EGFR: variants seen among roughly 807,000 people sequenced by gnomAD.
The protein encoded by EGFR is epidermal growth factor receptor.
A neutral mutation model predicts 143.0 loss-of-function variants in EGFR; 58 were observed. That is an observed-to-expected ratio of 0.41 (90% CI 0.33 to 0.50). EGFR has a LOEUF of 0.50. Ranked by LOEUF, EGFR falls within the 20% of genes least tolerant of loss-of-function variation. The pLI, the probability that EGFR is intolerant of heterozygous loss-of-function variation, is 0.39. For synonymous variants in EGFR, 613 were observed against 594.4 expected, an observed-to-expected ratio of 1.03 and a Z score of -0.45; for missense variants, 1,307 against 1,579.0, an observed-to-expected ratio of 0.83 and a Z score of 2.92.
chr7:55,079,303 A>G (rs2128888957), intron 1 of EGFR, among the ~76,000 whole-genome samples: 1 of 152,278 alleles, frequency 6.6e-6, no homozygotes, highest in East Asian at 1.9e-4. Flanking sequence ...GCACACTCAG[A>G]GTAGGTGGCC....
At position 55,211,597 on chromosome 7, in the gene EGFR, T is replaced by TATAATA. The variant is rs3065295; in HGVS notation, c.*5989_*5994dup. On this transcript the variant is annotated 3_prime_UTR_variant, in exon 28 of 28. Coordinates refer to ENST00000275493, the MANE Select transcript of EGFR (RefSeq NM_005228.5). ...CATTGTTCTTTACTCCTGAGTACCT[T>TATAATA]ATAATAATAATAATGTATTCTTTGT... The TATAATA allele has an allele frequency of 1.3e-5, 2 of 152,138 alleles. No individual in the cohort carries two copies. The highest frequency in any genetic ancestry group is 6.5e-5 in the Admixed American group (1 of 15,296). The allele number at this position is 152,138 out of a possible 1,614,324, so 9.4% of individuals were successfully genotyped here.
intron 22 of EGFR, among the ~76,000 whole-genome samples, chr7:55,194,654 G>T (rs904727392): frequency 6.6e-6 from 1 of 152,134 alleles, no homozygotes; most frequent in African/African-American, 2.4e-5. Context: ...CTCCCGTCAC[G>T]CTCCAGGCAT....
chr7:55,152,349 A>G, intron 5 of EGFR, 197 bp from the exon 6 acceptor site: 1 of 760,470 alleles, frequency 1.3e-6, no homozygotes, highest in Non-Finnish European at 2.4e-6. Flanking sequence ...GAGTTCTCTT[A>G]AGTGATTAAA....
intron 1 of EGFR, among the ~76,000 whole-genome samples, chr7:55,037,176 T>C (rs1787633830): frequency 6.6e-6 from 1 of 152,246 alleles, no homozygotes; most frequent in African/African-American, 2.4e-5. Flanking sequence ...TGGTATAACT[T>C]GGCAGAATCT....
chr7:55,115,915 A>G (rs764371286), intron 1 of EGFR, among the ~76,000 whole-genome samples: 1 of 152,216 alleles, frequency 6.6e-6, no homozygotes, highest in Non-Finnish European at 1.5e-5. Flanking sequence ...GATTATGCGG[A>G]GAGAGATGCA....
intron 1 of EGFR, among the ~76,000 whole-genome samples, chr7:55,072,745 C>T (rs1789910123): frequency 6.6e-6 from 1 of 152,180 alleles, no homozygotes; most frequent in Non-Finnish European, 1.5e-5. Flanking sequence ...TAACAGTCTG[C>T]TGTTTTGTCT....
intron 1 of EGFR, among the ~76,000 whole-genome samples, chr7:55,027,356 T>C (rs895478286): frequency 2.0e-5 from 3 of 152,194 alleles, no homozygotes; most frequent in African/African-American, 7.2e-5. Flanking sequence ...AATGAGGAAA[T>C]ACTTGTAGGC....
At chr7:55,163,701 T>C in intron 13 of EGFR, 32 bp from the exon 14 acceptor site, 2 of 1,586,164 alleles carry the variant, frequency 1.3e-6, no homozygotes, top group South Asian at 1.1e-5. Context: ...GTCTCAGGGG[T>C]GGGCTGACGG....
chr7:55,113,945 G>T (rs750751072), intron 1 of EGFR, among the ~76,000 whole-genome samples: 6 of 152,174 alleles, frequency 3.9e-5, no homozygotes, highest in Non-Finnish European at 8.8e-5. Context: ...TGATGGGCAC[G>T]GCCATGGTGG....
chr7:55,043,385 G>A (rs17335787), intron 1 of EGFR, among the ~76,000 whole-genome samples: 13 of 152,158 alleles, frequency 8.5e-5, no homozygotes, highest in African/African-American at 3.1e-4. Context: ...TTGAGACAGA[G>A]TCTCACTTTG....
chr7:55,196,275 T>C (rs1054173933), intron 22 of EGFR, among the ~76,000 whole-genome samples: 3 of 151,602 alleles, frequency 2.0e-5, no homozygotes, highest in Admixed American at 6.6e-5. Flanking sequence ...TGATCAGTGA[T>C]GTTAAGCTCT....
chr7:55,092,372 G>T (rs1791179537), intron 1 of EGFR, among the ~76,000 whole-genome samples: 1 of 152,178 alleles, frequency 6.6e-6, no homozygotes, highest in Non-Finnish European at 1.5e-5. Context: ...GGCAAGATTT[G>T]CATCAGTGGT....
At chr7:55,198,975 G>A in intron 23 of EGFR, 112 bp downstream of exon 23, 1 of 1,404,552 alleles carries the variant, frequency 7.1e-7, no homozygotes, top group Non-Finnish European at 9.9e-7. Flanking sequence ...ATTACTTAAG[G>A]CAGGCACACA....
At chr7:55,177,609 C>G (rs1247605007) in intron 19 of EGFR, among the ~76,000 whole-genome samples, 1 of 152,184 alleles carries the variant, frequency 6.6e-6, no homozygotes, top group African/African-American at 2.4e-5. Context: ...TAGTGGAATC[C>G]CAATTCATAC....
At chr7:55,193,067 GC>G (rs1379660757) in intron 22 of EGFR, among the ~76,000 whole-genome samples, 26 of 152,044 alleles carry the variant, frequency 1.7e-4, no homozygotes, top group African/African-American at 6.0e-4. Context: ...AGCTCGTCTG[GC>G]AGGGTGGGGG....
At chr7:55,100,611 G>T (rs1329681097) in intron 1 of EGFR, among the ~76,000 whole-genome samples, 1 of 152,204 alleles carries the variant, frequency 6.6e-6, no homozygotes, top group Non-Finnish European at 1.5e-5. Flanking sequence ...TTTGAAAGGG[G>T]ACCTCCACTT....
Position 55,205,810 on chromosome 7 carries a change from T to A in EGFR, c.*193T>A. ...CATTTTGGGAAGTTGCATTCCTTTG[T>A]CTTCAAACTGTGAAGCATTTACAGA... On this transcript the variant is annotated 3_prime_UTR_variant, in exon 28 of 28. Coordinates refer to ENST00000275493, the MANE Select transcript of EGFR (RefSeq NM_005228.5). 1 of 738,388 alleles carries A rather than the reference T, an allele frequency of 1.4e-6. No individual in the cohort carries two copies. Among genetic ancestry groups the A allele is most frequent in the Non-Finnish European group, 2.2e-6 (1 of 450,824 alleles). The allele number at this position is 738,388 out of a possible 1,614,324, so 45.7% of individuals were successfully genotyped here.
At chr7:55,191,158 T>C (rs1466593877) in intron 20 of EGFR, among the ~76,000 whole-genome samples, 1 of 152,044 alleles carries the variant, frequency 6.6e-6, no homozygotes. Context: ...GAGGGTGGTG[T>C]CTTCTAAAAG....
Position 55,161,494 on chromosome 7 carries a change from C to T in EGFR, c.1499-5C>T, listed in dbSNP as rs1459322761. ...TGACTGCTGTGACCCACTCTGTCTC[C>T]GCAGAGGCCACAGGCCAGGTCTGCC... On this transcript the variant is annotated splice_polypyrimidine_tract_variant and splice_region_variant and intron_variant, in intron 12 of 27. Coordinates refer to ENST00000275493, the MANE Select transcript of EGFR (RefSeq NM_005228.5). 6 of 1,613,364 alleles carry T rather than the reference C, an allele frequency of 3.7e-6. No homozygotes were observed. Among genetic ancestry groups the T allele is most frequent in the Admixed American group, 1.7e-5 (1 of 59,992 alleles).
Sources: allele counts gnomAD v4.1 joint callset (sites outside exome capture counted in the v4.1 genomes callset), GRCh38; gene constraint gnomAD v4.1.1; transcripts MANE v1.5; gene names NCBI Gene and HGNC (gene_info 2026-07-23, HGNC 2026-07-21).